PCDH7: variants seen among roughly 807,000 people sequenced by gnomAD.
PCDH7 encodes protocadherin-7.
In PCDH7, 17 loss-of-function variants were observed where a neutral mutation model predicts 58.9. That is an observed-to-expected ratio of 0.29 (90% CI 0.20 to 0.43). The LOEUF (loss-of-function observed/expected upper bound fraction) is 0.43, where lower values mean the gene tolerates loss of function less well. Ranked by LOEUF, PCDH7 falls within the 20% of genes least tolerant of loss-of-function variation. The pLI is 1.00. For synonymous variants in PCDH7, 664 were observed against 616.4 expected, an observed-to-expected ratio of 1.08 and a Z score of -1.14; for missense variants, 1,274 against 1,441.0, an observed-to-expected ratio of 0.88 and a Z score of 1.88.
At chr4:30,862,918 A>G (rs1456512173) in intron 1 of PCDH7, among the ~76,000 whole-genome samples, 1 of 152,112 alleles carries the variant, frequency 6.6e-6, no homozygotes, top group Non-Finnish European at 1.5e-5. Context: ...AGTTCTGATT[A>G]TGAGAATGTA....
chr4:30,757,653 C>A (rs1719488472), intron 1 of PCDH7, among the ~76,000 whole-genome samples: 1 of 152,218 alleles, frequency 6.6e-6, no homozygotes, highest in Admixed American at 6.5e-5. Flanking sequence ...AATGCTTTCC[C>A]TGCCTCCCAC....
downstream of PCDH7, among the ~76,000 whole-genome samples, chr4:30,737,908 A>G (rs561472713): frequency 2.6e-5 from 4 of 152,322 alleles, no homozygotes; most frequent in East Asian, 5.8e-4. Flanking sequence ...CTTAAACAAC[A>G]GAAGTTAATT....
chr4:31,067,510 G>A (rs139687234), intron 3 of PCDH7, among the ~76,000 whole-genome samples: 2 of 151,862 alleles, frequency 1.3e-5, no homozygotes, highest in Non-Finnish European at 2.9e-5. Flanking sequence ...ATTTCCGTGG[G>A]CTGTTGAATA....
At chr4:30,968,904 C>T (rs1749291934) in intron 3 of PCDH7, among the ~76,000 whole-genome samples, 1 of 152,174 alleles carries the variant, frequency 6.6e-6, no homozygotes, top group Non-Finnish European at 1.5e-5. Flanking sequence ...TCTGTCTTCT[C>T]TTTCTGGACA....
At chr4:31,094,838 T>C (rs968457310) in intron 3 of PCDH7, among the ~76,000 whole-genome samples, 1 of 150,390 alleles carries the variant, frequency 6.6e-6, no homozygotes, top group Non-Finnish European at 1.5e-5. Flanking sequence ...TGATTCGTAT[T>C]ACCAACAACA....
intron 3 of PCDH7, among the ~76,000 whole-genome samples, chr4:31,101,355 AT>A (rs1158502761): frequency 1.3e-5 from 2 of 152,118 alleles, no homozygotes; most frequent in African/African-American, 2.4e-5. Context: ...ATAAAAAAAG[AT>A]TTTTTTCAGT....
chr4:30,951,627 T>C (rs1747382840), intron 3 of PCDH7, among the ~76,000 whole-genome samples: 1 of 152,186 alleles, frequency 6.6e-6, no homozygotes, highest in Admixed American at 6.5e-5. Context: ...ACAGCAACCA[T>C]GTACTGAGGA....
At position 30,723,028 on chromosome 4, in the gene PCDH7, G is replaced by A. The variant is rs777309631; in HGVS notation, c.1606G>A (p.Gly536Ser). 21 of 1,613,770 alleles carry A rather than the reference G, an allele frequency of 1.3e-5. No individual in the cohort carries two copies. Among genetic ancestry groups the A allele is most frequent in the Non-Finnish European group, 1.6e-5 (19 of 1,180,040 alleles). ...CACCAACGACAACCCGCCCATGTTCGGCCAGTCGGTGGTGGAGGTTTACTT... is the reference window on the plus strand; with the variant it reads ...CACCAACGACAACCCGCCCATGTTCAGCCAGTCGGTGGTGGAGGTTTACTT... Residue 536 changes from glycine (G) to serine (S), a missense_variant, in exon 1 of 2, where the codon GGC becomes AGC. Gly to Ser is a moderately conservative substitution (Grantham distance 56). This residue lies in a region of PCDH7 where 731 missense variants were observed against 881.9 expected (regional missense o/e 0.83). Coordinates refer to ENST00000361762, the Ensembl canonical transcript of PCDH7. The surrounding 1 kb of genome is among the most constrained non-coding windows in gnomAD (Gnocchi z 4.6).
At chr4:30,903,737 C>T (rs1740525563) in intron 1 of PCDH7, among the ~76,000 whole-genome samples, 1 of 152,086 alleles carries the variant, frequency 6.6e-6, no homozygotes, top group South Asian at 2.1e-4. Context: ...CCATGAATTT[C>T]CCTAAATACA....
chr4:30,986,737 C>T (rs974453102), intron 3 of PCDH7, among the ~76,000 whole-genome samples: 1 of 152,054 alleles, frequency 6.6e-6, no homozygotes, highest in Non-Finnish European at 1.5e-5. Context: ...AATCCCAGCA[C>T]TTTGGGAGGC....
intron 3 of PCDH7, among the ~76,000 whole-genome samples, chr4:31,009,209 CAT>C (rs949139877): frequency 5.3e-5 from 8 of 151,984 alleles, no homozygotes; most frequent in East Asian, 1.9e-4. Flanking sequence ...CAGCTTTACT[CAT>C]GTGATAAATT....
At chr4:30,795,184 T>C (rs1348572917) in intron 1 of PCDH7, among the ~76,000 whole-genome samples, 1 of 152,194 alleles carries the variant, frequency 6.6e-6, no homozygotes, top group African/African-American at 2.4e-5. Flanking sequence ...TCTCACTATG[T>C]TGCCCAGGCT....
At chr4:30,840,326 C>G (rs1220323321) in intron 1 of PCDH7, among the ~76,000 whole-genome samples, 1 of 152,040 alleles carries the variant, frequency 6.6e-6, no homozygotes, top group Non-Finnish European at 1.5e-5. Flanking sequence ...CTCATTTGGA[C>G]TTGGCAGGAA....
At chr4:31,118,091 A>G (rs553623381) in intron 3 of PCDH7, among the ~76,000 whole-genome samples, 2 of 152,296 alleles carry the variant, frequency 1.3e-5, no homozygotes, top group Admixed American at 6.5e-5. Flanking sequence ...TTCCTCCACA[A>G]TCCCTGGGAA....
At chr4:30,902,413 T>C (rs576552522) in intron 1 of PCDH7, among the ~76,000 whole-genome samples, 4 of 152,262 alleles carry the variant, frequency 2.6e-5, no homozygotes, top group Non-Finnish European at 4.4e-5. Context: ...GCTAAACGTT[T>C]TTAAAAATGC....
At chr4:31,139,025 TA>T (rs1029423638) in intron 3 of PCDH7, among the ~76,000 whole-genome samples, 3 of 151,882 alleles carry the variant, frequency 2.0e-5, no homozygotes, top group African/African-American at 7.3e-5. Context: ...AGAGAGATAT[TA>T]ACCTTATGTC....
chr4:30,997,391 T>G (rs1448159872), intron 3 of PCDH7, among the ~76,000 whole-genome samples: 2 of 152,180 alleles, frequency 1.3e-5, no homozygotes, highest in African/African-American at 4.8e-5. Context: ...TTTAAAATGC[T>G]TTTAGGATTG....
chr4:31,014,800 C>T (rs1479785256), intron 3 of PCDH7, among the ~76,000 whole-genome samples: 1 of 152,068 alleles, frequency 6.6e-6, no homozygotes, highest in Non-Finnish European at 1.5e-5. Flanking sequence ...ATAAATGTCC[C>T]TTTACAGAGG....
chr4:30,906,146 C>T (rs973924483), intron 1 of PCDH7, among the ~76,000 whole-genome samples: 4 of 152,078 alleles, frequency 2.6e-5, no homozygotes, highest in African/African-American at 7.2e-5. Context: ...TTTTCAAAGC[C>T]AGGCAGTATG....
Sources: allele counts gnomAD v4.1 joint callset (sites outside exome capture counted in the v4.1 genomes callset), GRCh38; gene constraint gnomAD v4.1.1; regional missense constraint gnomAD v4.1.1; non-coding constraint Gnocchi (gnomAD v3.1); transcripts MANE v1.5; gene names NCBI Gene and HGNC (gene_info 2026-07-23, HGNC 2026-07-21).